HERPUD2: variants seen among roughly 807,000 people sequenced by gnomAD.
The protein encoded by HERPUD2 is HERPUD family member 2.
Under a neutral mutation model 49.9 loss-of-function variants are expected in HERPUD2, and 13 were observed. The observed-to-expected ratio is 0.26, with a 90% CI of 0.17 to 0.41. The LOEUF is 0.41. Ranked by LOEUF, HERPUD2 falls within the 10% of genes least tolerant of loss-of-function variation. The pLI is 1.00. For synonymous variants in HERPUD2, 172 were observed against 171.4 expected, an observed-to-expected ratio of 1.00 and a Z score of -0.03; for missense variants, 449 against 492.2, an observed-to-expected ratio of 0.91 and a Z score of 0.83.
chr7:35,659,702 A>G (rs1785368020), intron 5 of HERPUD2, among the ~76,000 whole-genome samples: 1 of 152,208 alleles, frequency 6.6e-6, no homozygotes, highest in African/African-American at 2.4e-5. Context: ...CTGTATAATC[A>G]TTAAGCTATA....
At chr7:35,682,786 A>T (rs1785943183) in intron 2 of HERPUD2, among the ~76,000 whole-genome samples, 1 of 151,672 alleles carries the variant, frequency 6.6e-6, no homozygotes, top group Non-Finnish European at 1.5e-5. Flanking sequence ...AACCAAGCGG[A>T]GAATCAAAAC....
intron 5 of HERPUD2, among the ~76,000 whole-genome samples, chr7:35,662,556 G>A (rs745737791): frequency 3.3e-5 from 5 of 152,130 alleles, no homozygotes; most frequent in South Asian, 2.1e-4. Context: ...TTCAGAACCC[G>A]TTATTGGTCT....
chr7:35,655,642 C>T (rs1785260169), intron 5 of HERPUD2, among the ~76,000 whole-genome samples: 1 of 152,070 alleles, frequency 6.6e-6, no homozygotes, highest in Admixed American at 6.5e-5. Context: ...GACAAGGATC[C>T]CCACTTTCAC....
intron 5 of HERPUD2, among the ~76,000 whole-genome samples, chr7:35,642,093 A>C (rs2115844268): frequency 6.6e-6 from 1 of 152,360 alleles, no homozygotes; most frequent in African/African-American, 2.4e-5. Context: ...TCTAGCATCT[A>C]TAAAGAACTT....
intron 6 of HERPUD2, among the ~76,000 whole-genome samples, chr7:35,637,360 C>G (rs978906011): frequency 6.6e-6 from 1 of 152,112 alleles, no homozygotes; most frequent in Non-Finnish European, 1.5e-5. Flanking sequence ...ATTAACTCTT[C>G]ATAAAATACT....
At chr7:35,635,098 G>T in intron 7 of HERPUD2, 37 bp downstream of exon 7, 1 of 1,521,014 alleles carries the variant, frequency 6.6e-7, no homozygotes, top group Non-Finnish European at 9.1e-7. Context: ...AACAGTTGCA[G>T]AAATTAAACC....
At chr7:35,680,873 T>C (rs1785874195) in intron 2 of HERPUD2, among the ~76,000 whole-genome samples, 1 of 152,238 alleles carries the variant, frequency 6.6e-6, no homozygotes, top group Non-Finnish European at 1.5e-5. Flanking sequence ...GCCATCTTGC[T>C]TGTCACTGTG....
At chr7:35,652,489 C>G (rs1785187416) in intron 5 of HERPUD2, among the ~76,000 whole-genome samples, 1 of 151,980 alleles carries the variant, frequency 6.6e-6, no homozygotes, top group African/African-American at 2.4e-5. Context: ...TCACTTAATG[C>G]TTAGAACCCC....
chr7:35,636,713 A>G (rs1436531669), intron 6 of HERPUD2, among the ~76,000 whole-genome samples: 1 of 152,198 alleles, frequency 6.6e-6, no homozygotes, highest in Non-Finnish European at 1.5e-5. Flanking sequence ...TTCATAAAGC[A>G]GCTTAGCTTT....
At chr7:35,673,381 C>T in intron 2 of HERPUD2, 103 bp from the exon 3 acceptor site, 7 of 777,660 alleles carry the variant, frequency 9.0e-6, no homozygotes, top group Non-Finnish European at 6.3e-6. Flanking sequence ...TCCCTTTAGG[C>T]ACAAGTAAGC....
intron 5 of HERPUD2, among the ~76,000 whole-genome samples, chr7:35,663,272 T>C (rs572634920): frequency 4.5e-4 from 68 of 152,264 alleles, no homozygotes; most frequent in Non-Finnish European, 6.9e-4. Context: ...CTGAGTAAAT[T>C]TGTTATAATT....
chr7:35,690,762 T>G (rs1786164333), intron 2 of HERPUD2, among the ~76,000 whole-genome samples: 1 of 151,414 alleles, frequency 6.6e-6, no homozygotes, highest in East Asian at 1.9e-4. Context: ...TGAGCCGAGA[T>G]AGCGCCATTG....
chr7:35,644,416 A>C (rs1400079808), intron 5 of HERPUD2, among the ~76,000 whole-genome samples: 2 of 152,198 alleles, frequency 1.3e-5, no homozygotes, highest in African/African-American at 4.8e-5. Flanking sequence ...GAACAACTAC[A>C]GAAAGAGTAT....
chr7:35,676,034 CAAAT>C (rs1444385621), intron 2 of HERPUD2, among the ~76,000 whole-genome samples: 1 of 152,194 alleles, frequency 6.6e-6, no homozygotes, highest in African/African-American at 2.4e-5. Context: ...CCACATTCAA[CAAAT>C]AATTCCTTAA....
At chr7:35,664,698 T>C (rs1211353712) in intron 5 of HERPUD2, among the ~76,000 whole-genome samples, 3 of 152,234 alleles carry the variant, frequency 2.0e-5, no homozygotes, top group African/African-American at 4.8e-5. Flanking sequence ...CTGAAGCTTG[T>C]GCATGCATCA....
chr7:35,639,009 T>C (rs1366596645), intron 5 of HERPUD2, among the ~76,000 whole-genome samples: 2 of 152,050 alleles, frequency 1.3e-5, no homozygotes, highest in Non-Finnish European at 2.9e-5. Context: ...ATATACATTC[T>C]TAAAGTAGGT....
intron 5 of HERPUD2, among the ~76,000 whole-genome samples, chr7:35,650,559 T>G (rs1785143071): frequency 6.6e-6 from 1 of 152,040 alleles, no homozygotes. Flanking sequence ...GCCCAAGAAC[T>G]CCGGTACCTC....
chr7:35,660,963 T>G (rs1439520097), intron 5 of HERPUD2, among the ~76,000 whole-genome samples: 3 of 152,228 alleles, frequency 2.0e-5, no homozygotes, highest in Non-Finnish European at 4.4e-5. Context: ...CATGCCTATG[T>G]CCTGAATGGT....
Position 35,633,488 on chromosome 7 carries a change from CT to C in HERPUD2, c.*201del. The stretch of plus-strand genomic sequence containing the variant: ...TTGTTACGCTATGTTCTGTTAGGAT[CT>C]TTAAAAAAAAAAAAAAAAAACTCAG... On this transcript the variant is annotated 3_prime_UTR_variant, in exon 9 of 9. Transcript: ENST00000311350. 1.2e-4 allele frequency: 47 copies of C among 386,594 alleles called. No individual in the cohort carries two copies. The highest frequency in any genetic ancestry group is 1.4e-4 in the Non-Finnish European group (31 of 225,054). The allele number at this position is 386,594 out of a possible 1,614,324, so 23.9% of individuals were successfully genotyped here. A position where few individuals can be genotyped will look rare whatever the true frequency, so the allele number is the denominator to read the frequency against.
Sources: gnomAD v4.1 joint callset for allele counts (sites outside exome capture counted in the v4.1 genomes callset) on GRCh38, gnomAD v4.1.1 for gene constraint, MANE v1.5 for transcripts, NCBI Gene and HGNC (gene_info 2026-07-23, HGNC 2026-07-21) for gene names.